Variants in PRTG observed in about 807,000 individuals in gnomAD.
The protein encoded by PRTG is immunoglobulin superfamily, DCC subclass, member 5.
In PRTG, 67 loss-of-function variants were observed where a neutral mutation model predicts 122.5. The observed-to-expected ratio is 0.55, with a 90% CI of 0.45 to 0.67. The LOEUF is 0.67. Among genes scored for constraint, PRTG ranks in the 30% least tolerant of loss-of-function variants. The pLI is 0.00. For missense variants in PRTG, 1,435 were observed against 1,415.4 expected (o/e 1.01, Z -0.22); for synonymous variants, 554 against 501.1 (o/e 1.11, Z -1.41).
At position 55,681,517 on chromosome 15, in the gene PRTG, A is replaced by G. The variant is rs1408997673; in HGVS notation, c.676+847T>C. 2.0e-5 allele frequency: 3 copies of G among 152,212 alleles called. No homozygotes were observed. The East Asian group carries it at 5.8e-4, about 29-fold the overall frequency. 9.4% of individuals were successfully genotyped at this position (152,212 alleles called of 1,614,324 possible). ...CTCTAGTTTCCCTTCTACCTATATT[A>G]ATGTATGGCAAAATATATAAAATTG... is the stretch of plus-strand genomic sequence containing the variant. On this transcript the variant is annotated intron_variant, in intron 4 of 19. Transcript: ENST00000389286.
At chr15:55,667,441 C>A in intron 11 of PRTG, among the ~76,000 whole-genome samples, 1 of 151,742 alleles carries the variant, frequency 6.6e-6, no homozygotes, top group East Asian at 1.9e-4. Flanking sequence ...ATATTAAGTT[C>A]TAAAATTTGA....
intron 2 of PRTG, among the ~76,000 whole-genome samples, chr15:55,702,044 C>T (rs776560949): frequency 6.6e-6 from 1 of 151,994 alleles, no homozygotes. Flanking sequence ...TGTTAAAATT[C>T]ATAGAACTAT....
intron 2 of PRTG, among the ~76,000 whole-genome samples, chr15:55,717,945 G>C (rs1362103043): frequency 6.6e-6 from 1 of 152,134 alleles, no homozygotes; most frequent in Non-Finnish European, 1.5e-5. Flanking sequence ...TTGGATCGGG[G>C]GACCTCCCTT....
At position 55,613,175 on chromosome 15, in the gene PRTG, A is replaced by G. The variant is rs1027768530; in HGVS notation, c.*6837T>C. ...GATTCTCAAAATTGTCAAGATTAGA[A>G]CTTAGGTGCTCCAAAGCCTAACTTA... On this transcript the variant is annotated 3_prime_UTR_variant, in exon 20 of 20. Transcript: ENST00000389286. The G allele has an allele frequency of 6.6e-6, 1 of 152,124 alleles. No individual in the cohort carries two copies. Among genetic ancestry groups the G allele is most frequent in the Admixed American group, 6.6e-5 (1 of 15,264 alleles). 9.4% of individuals were successfully genotyped at this position (152,124 alleles called of 1,614,324 possible).
At chr15:55,670,383 C>G (rs1013062553) in intron 11 of PRTG, among the ~76,000 whole-genome samples, 6 of 152,188 alleles carry the variant, frequency 3.9e-5, no homozygotes, top group African/African-American at 1.4e-4. Flanking sequence ...TAAGCTTGAT[C>G]TATGATTCTT....
chr15:55,709,792 T>G (rs2030308131), intron 2 of PRTG, among the ~76,000 whole-genome samples: 1 of 152,178 alleles, frequency 6.6e-6, no homozygotes, highest in Non-Finnish European at 1.5e-5. Context: ...TATTTGAACA[T>G]TCTAAAAAGG....
At chr15:55,714,780 T>C (rs1275508155) in intron 2 of PRTG, among the ~76,000 whole-genome samples, 1 of 152,176 alleles carries the variant, frequency 6.6e-6, no homozygotes, top group Non-Finnish European at 1.5e-5. Context: ...TGCATCAAAA[T>C]TGAGCAGCTT....
rs59773365 is a variant in PRTG, at chr15:55,612,697, AATATATATATATATATAT to A, written c.*7297_*7314del. The A allele has an allele frequency of 4.3e-3, 517 of 120,700 alleles. 7 individuals are homozygous for A. Among genetic ancestry groups the A allele is most frequent in the Middle Eastern group, 0.016 (4 of 254 alleles). The allele number at this position is 120,700 out of a possible 1,614,324, so 7.5% of individuals were successfully genotyped here. On this transcript the variant is annotated 3_prime_UTR_variant, in exon 20 of 20. Transcript: ENST00000389286. ...TTCTCTCTTTAACTCTTTAAAAGCC[AATATATATATATATATAT>A]ATATATATATATATATATATATATA...
At chr15:55,727,637 A>G (rs185870577) in intron 2 of PRTG, among the ~76,000 whole-genome samples, 1,722 of 152,212 alleles carry the variant, frequency 0.011, 22 homozygotes, top group Non-Finnish European at 0.019. Context: ...CTCTACTAAA[A>G]ATACAAAAAT....
chr15:55,728,075 A>C (rs1369884362), intron 2 of PRTG, among the ~76,000 whole-genome samples: 3 of 152,090 alleles, frequency 2.0e-5, no homozygotes, highest in Non-Finnish European at 4.4e-5. Context: ...CATGTTGCCC[A>C]GGCTGGTCTC....
rs1035181273 is a variant in PRTG at position 55,701,411 on chromosome 15, G to C, written c.398-17480C>G. Among the ~76,000 whole-genome samples the C allele has an allele frequency of 1.3e-4, 20 of 152,242 alleles. No individual in the cohort carries two copies. The South Asian group carries it at 1.5e-3, about 11-fold the overall frequency. ...TAGCTGGGCATGGTGGCAGGCGACT[G>C]TAATCCCAACTACTTGGGAGGCTGA... On this transcript the variant is annotated intron_variant, in intron 2 of 19. Transcript: ENST00000389286.
At chr15:55,665,995 T>C (rs565881906) in intron 11 of PRTG, among the ~76,000 whole-genome samples, 3 of 152,374 alleles carry the variant, frequency 2.0e-5, no homozygotes, top group South Asian at 4.1e-4. Flanking sequence ...CCAAGGCTGC[T>C]TCTGTGCTGC....
chr15:55,619,606 C>T lies in PRTG; in HGVS notation c.*406G>A, dbSNP rs1263306434. Reference sequence around the variant, plus strand: ...CGGGAGGCAAACTGAGGTAGATAGTCAGCAAAGGGGCTTTCAAAAGTCTTC... The same window carrying T: ...CGGGAGGCAAACTGAGGTAGATAGTTAGCAAAGGGGCTTTCAAAAGTCTTC... On this transcript the variant is annotated 3_prime_UTR_variant, in exon 20 of 20. Transcript: ENST00000389286. The T allele has an allele frequency of 5.7e-6, 1 of 175,294 alleles. No individual in the cohort carries two copies. The highest frequency in any genetic ancestry group is 2.4e-5 in the African/African-American group (1 of 41,722). The allele number at this position is 175,294 out of a possible 1,614,324, so 10.9% of individuals were successfully genotyped here.
At chr15:55,711,631 C>T (rs1244559700) in intron 2 of PRTG, among the ~76,000 whole-genome samples, 1 of 152,172 alleles carries the variant, frequency 6.6e-6, no homozygotes, top group Non-Finnish European at 1.5e-5. Flanking sequence ...CCTTTCACCC[C>T]AACCAACAAC....
intron 6 of PRTG, 58 bp downstream of exon 6, chr15:55,679,996 T>TA: frequency 7.0e-7 from 1 of 1,420,822 alleles, no homozygotes; most frequent in Non-Finnish European, 9.8e-7. Context: ...ATGAATGAGA[T>TA]AAAACGGCAA....
chr15:55,738,951 G>A (rs2031525716), intron 2 of PRTG, among the ~76,000 whole-genome samples: 1 of 151,252 alleles, frequency 6.6e-6, no homozygotes, highest in South Asian at 2.1e-4. Context: ...GGAGGGAGAG[G>A]GAGGGGAGAG....
At chr15:55,670,101 T>C (rs73408312) in intron 11 of PRTG, among the ~76,000 whole-genome samples, 13,255 of 152,186 alleles carry the variant, frequency 0.087, 606 homozygotes, top group Non-Finnish European at 0.11. Flanking sequence ...CAAAGATCAA[T>C]GGGTCTTCCT....
At chr15:55,657,477 A>T (rs572192217) in intron 11 of PRTG, among the ~76,000 whole-genome samples, 2 of 152,200 alleles carry the variant, frequency 1.3e-5, no homozygotes, top group South Asian at 4.1e-4. Context: ...TTGTTAAGTG[A>T]TCCTAGATAC....
At chr15:55,737,795 A>G (rs1366793731) in intron 2 of PRTG, among the ~76,000 whole-genome samples, 2 of 151,968 alleles carry the variant, frequency 1.3e-5, no homozygotes, top group African/African-American at 4.8e-5. Flanking sequence ...CACAGATTGA[A>G]GTTTTAGATT....
Sources: gnomAD v4.1 joint callset for allele counts (sites outside exome capture counted in the v4.1 genomes callset) on GRCh38, gnomAD v4.1.1 for gene constraint, MANE v1.5 for transcripts, NCBI Gene and HGNC (gene_info 2026-07-23, HGNC 2026-07-21) for gene names.